The following ARL9 variants were observed in gnomAD, a reference collection of about 807,000 sequenced individuals.
ARL9 encodes ADP-ribosylation factor-like protein 9.
ARL9 carries 14 observed loss-of-function variants against 27.0 expected under a neutral mutation model. That is an observed-to-expected ratio of 0.52 (90% confidence interval 0.34 to 0.81). ARL9 has a LOEUF of 0.81. Ranked by LOEUF, ARL9 falls within the 30% of genes least tolerant of loss-of-function variation. The pLI, the probability that ARL9 is intolerant of heterozygous loss-of-function variation, is 0.01. For missense variants in ARL9, 294 were observed against 290.0 expected (o/e 1.01, Z -0.10); for synonymous variants, 106 against 108.7 (o/e 0.98, Z 0.15).
chr4:56,510,089 G>A (rs1721591382), intron 1 of ARL9, among the ~76,000 whole-genome samples: 1 of 151,994 alleles, frequency 6.6e-6, no homozygotes, highest in African/African-American at 2.4e-5. Context: ...GCTGGGTGCG[G>A]TGGCTCATGC....
intron 3 of ARL9, among the ~76,000 whole-genome samples, chr4:56,519,599 A>G (rs1244527504): frequency 1.3e-5 from 2 of 151,550 alleles, no homozygotes; most frequent in Admixed American, 6.6e-5. Context: ...GACAGGCTCA[A>G]AAAAAAAATC....
upstream of ARL9, chr4:56,505,625 C>T: frequency 1.6e-6 from 1 of 636,056 alleles, no homozygotes; most frequent in Non-Finnish European, 2.7e-6. Flanking sequence ...CCGTACGCCT[C>T]CGCCCTTCCC....
At chr4:56,515,018 G>C (rs1047596988) in intron 2 of ARL9, among the ~76,000 whole-genome samples, 2 of 152,146 alleles carry the variant, frequency 1.3e-5, no homozygotes, top group Non-Finnish European at 2.9e-5. Flanking sequence ...GGGAGGCCAA[G>C]GGGGCGGATC....
intron 2 of ARL9, among the ~76,000 whole-genome samples, chr4:56,516,223 T>C (rs750253010): frequency 1.3e-5 from 2 of 152,152 alleles, no homozygotes; most frequent in Non-Finnish European, 2.9e-5. Flanking sequence ...ATACATCAAT[T>C]TCCGATGGAT....
At chr4:56,518,387 G>A (rs1246441481) in intron 2 of ARL9, among the ~76,000 whole-genome samples, 3 of 152,126 alleles carry the variant, frequency 2.0e-5, no homozygotes, top group African/African-American at 7.2e-5. Context: ...GGCTGACATG[G>A]CTGCTGTGGA....
chr4:56,507,671 G>A (rs1721503327), intron 1 of ARL9, among the ~76,000 whole-genome samples: 2 of 150,504 alleles, frequency 1.3e-5, no homozygotes, highest in South Asian at 4.3e-4. Flanking sequence ...ATTAGTCTAG[G>A]TACCACTAAG....
chr4:56,521,504 T>C (rs1234432095), intron 3 of ARL9, among the ~76,000 whole-genome samples: 1 of 152,232 alleles, frequency 6.6e-6, no homozygotes, highest in Non-Finnish European at 1.5e-5. Context: ...AAATAATTGC[T>C]GGGATTTTGG....
In ARL9 at chr4:56,517,087, G is replaced by A. The variant is rs113326501; in HGVS notation, c.443-1591G>A. On this transcript the variant is annotated intron_variant, in intron 2 of 3. Coordinates refer to ENST00000640821, the MANE Select transcript of ARL9 (RefSeq NM_001363794.2). The stretch of plus-strand genomic sequence containing the variant: ...TGCTTAGATACAAGGAGAAACTCTT[G>A]CTTGTATGGACCTCAGGAGACAAAT... Among the ~76,000 whole-genome samples the A allele has an allele frequency of 1.8e-3, 268 of 152,238 alleles. 8 individuals are homozygous for A. In the South Asian group the frequency reaches 0.036, roughly 21 times the overall value.
chr4:56,506,754 T>C, intron 1 of ARL9: 1 of 836,636 alleles, frequency 1.2e-6, no homozygotes, highest in Non-Finnish European at 1.4e-6. Context: ...AGCTGCGCTC[T>C]GGTTCTAAAC....
chr4:56,512,615 C>A (rs2110146934), intron 2 of ARL9, among the ~76,000 whole-genome samples: 1 of 151,066 alleles, frequency 6.6e-6, no homozygotes, highest in South Asian at 2.1e-4. Context: ...TCTCAGCTCA[C>A]TGCAACCTCT....
At chr4:56,512,426 G>C (rs1181831977) in intron 2 of ARL9, among the ~76,000 whole-genome samples, 1 of 152,008 alleles carries the variant, frequency 6.6e-6, no homozygotes, top group Non-Finnish European at 1.5e-5. Flanking sequence ...TTTTAAAAGA[G>C]CTTTCTTGGG....
At chr4:56,518,892 T>G (rs1246678137) in intron 3 of ARL9, 39 bp downstream of exon 3, 1 of 1,564,372 alleles carries the variant, frequency 6.4e-7, no homozygotes, top group Admixed American at 1.8e-5. Context: ...CTCAAGAGTT[T>G]TGTAATACAA....
chr4:56,506,940 A>C (rs114517904), intron 1 of ARL9, among the ~76,000 whole-genome samples: 1,610 of 152,076 alleles, frequency 0.011, 34 homozygotes, highest in African/African-American at 0.036. Context: ...CACTACAGGC[A>C]CACGCCACCA....
intron 3 of ARL9, among the ~76,000 whole-genome samples, chr4:56,519,824 G>A (rs1043664278): frequency 6.6e-6 from 1 of 151,974 alleles, no homozygotes; most frequent in Non-Finnish European, 1.5e-5. Context: ...AAGATAAATG[G>A]ATATATAAAA....
At chr4:56,516,269 T>C (rs906643805) in intron 2 of ARL9, among the ~76,000 whole-genome samples, 3 of 152,142 alleles carry the variant, frequency 2.0e-5, no homozygotes, top group Non-Finnish European at 4.4e-5. Context: ...GGAGAAAATA[T>C]AGACTATCCT....
At position 56,511,225 on chromosome 4, in the gene ARL9, C is replaced by A; in HGVS notation, c.320C>A (p.Ala107Glu). Residue 107 changes from alanine (A) to glutamate (E), a missense_variant, in exon 2 of 4, where the codon GCA (alanine) becomes GAA (glutamate). Ala to Glu is a moderately radical substitution (Grantham distance 107). Coordinates refer to ENST00000640821, the MANE Select transcript of ARL9 (RefSeq NM_001363794.2). ...ATCCTAGTGCTGGGCCTGGATGGAGCAGGAAAAACCAGTGTCCTGCACTCT... is the reference window on the plus strand; with the variant it reads ...ATCCTAGTGCTGGGCCTGGATGGAGAAGGAAAAACCAGTGTCCTGCACTCT... The part of the protein sequence containing the change: ...KQILVLGLDG[A>E]GKTSVLHSLA... The A allele has an allele frequency of 6.2e-7, 1 of 1,611,056 alleles. No individual in the cohort carries two copies. Among genetic ancestry groups the A allele is most frequent in the Non-Finnish European group, 8.5e-7 (1 of 1,178,506 alleles).
At chr4:56,509,740 C>T (rs1312731583) in intron 1 of ARL9, among the ~76,000 whole-genome samples, 1 of 133,698 alleles carries the variant, frequency 7.5e-6, no homozygotes, top group Non-Finnish European at 1.5e-5. Flanking sequence ...TGGAGCCTTG[C>T]TCTGTCGCCC....
chr4:56,518,649 G>A (rs753526558), intron 2 of ARL9, 29 bp from the exon 3 acceptor site: 2 of 1,589,126 alleles, frequency 1.3e-6, no homozygotes, highest in Middle Eastern at 1.7e-4. Context: ...TTGTGTGTGT[G>A]TGTCTTCTTC....
chr4:56,510,147 C>T (rs1024298524), intron 1 of ARL9, among the ~76,000 whole-genome samples: 4 of 151,698 alleles, frequency 2.6e-5, no homozygotes, highest in African/African-American at 7.3e-5. Flanking sequence ...ATCACGAGGT[C>T]AGGAGTTCGA....
Sources: gnomAD v4.1 joint callset for allele counts (sites outside exome capture counted in the v4.1 genomes callset) on GRCh38, gnomAD v4.1.1 for gene constraint, MANE v1.5 for transcripts, NCBI Gene and HGNC (gene_info 2026-07-23, HGNC 2026-07-21) for gene names.